ARB2A: variants seen among roughly 807,000 people sequenced by gnomAD.
ARB2A encodes ARB2 cotranscriptional regulator A.
chr5:93,632,950 T>A, the ARB2A span, among the ~76,000 whole-genome samples: 4 of 152,158 alleles, frequency 2.6e-5, no homozygotes, highest in Non-Finnish European at 5.9e-5. Context: ...GACCGTTGTG[T>A]GTGGTGGTAA....
chr5:93,902,428 T>C, the ARB2A span, among the ~76,000 whole-genome samples: 2 of 152,154 alleles, frequency 1.3e-5, no homozygotes, highest in African/African-American at 4.8e-5. Flanking sequence ...TTATTTGTTC[T>C]ACTCTATAAA....
At chr5:93,747,729 G>T in the ARB2A span, among the ~76,000 whole-genome samples, 1 of 152,020 alleles carries the variant, frequency 6.6e-6, no homozygotes, top group Non-Finnish European at 1.5e-5. Context: ...CCAGCAGCCT[G>T]CTCATCATTC....
At chr5:93,681,326 A>G in the ARB2A span, among the ~76,000 whole-genome samples, 1 of 152,156 alleles carries the variant, frequency 6.6e-6, no homozygotes, top group Non-Finnish European at 1.5e-5. Flanking sequence ...CCCTGTTCCA[A>G]AACCTCCAGT....
At chr5:93,852,646 G>C in the ARB2A span, among the ~76,000 whole-genome samples, 4 of 152,278 alleles carry the variant, frequency 2.6e-5, no homozygotes, top group Non-Finnish European at 4.4e-5. Flanking sequence ...GTGTAAGGAA[G>C]GGATCCAGTT....
chr5:93,879,370 T>C, the ARB2A span, among the ~76,000 whole-genome samples: 6 of 151,954 alleles, frequency 3.9e-5, no homozygotes. Context: ...ACTAAGACCA[T>C]CGATACAAAG....
chr5:93,782,017 C>T, the ARB2A span: 1 of 774,548 alleles, frequency 1.3e-6, no homozygotes, highest in East Asian at 1.3e-4. Context: ...TTTGGAAACA[C>T]TGGACTCTTA....
the ARB2A span, among the ~76,000 whole-genome samples, chr5:93,827,654 G>C: frequency 6.6e-6 from 1 of 151,886 alleles, no homozygotes; most frequent in East Asian, 1.9e-4. Flanking sequence ...TGGTGTTTTA[G>C]ACATGAAGTC....
At chr5:93,683,178 AATC>A in the ARB2A span, 666 of 1,322,582 alleles carry the variant, frequency 5.0e-4, 3 homozygotes, top group African/African-American at 2.7e-3. Flanking sequence ...TCATCATCAA[AATC>A]ATCATCATCA....
At chr5:93,917,030 C>A in the ARB2A span, among the ~76,000 whole-genome samples, 1 of 152,206 alleles carries the variant, frequency 6.6e-6, no homozygotes, top group Non-Finnish European at 1.5e-5. Flanking sequence ...CAAACATATT[C>A]TTTCCCTTCT....
the ARB2A span, among the ~76,000 whole-genome samples, chr5:93,663,828 C>T: frequency 1.3e-5 from 2 of 151,976 alleles, no homozygotes; most frequent in African/African-American, 2.4e-5. Flanking sequence ...TCAGAAGTTA[C>T]AATGAAATAT....
At chr5:93,766,544 T>C in the ARB2A span, among the ~76,000 whole-genome samples, 4 of 152,220 alleles carry the variant, frequency 2.6e-5, no homozygotes, top group Non-Finnish European at 5.9e-5. Flanking sequence ...AAACAACAGG[T>C]GCTGGAGAGG....
chr5:94,063,185 G>A, the ARB2A span, among the ~76,000 whole-genome samples: 13,829 of 151,914 alleles, frequency 0.091, 791 homozygotes, highest in Middle Eastern at 0.16. Context: ...GGTCCACCTG[G>A]CCTGGCACAC....
At chr5:93,743,888 G>T in the ARB2A span, among the ~76,000 whole-genome samples, 1 of 151,936 alleles carries the variant, frequency 6.6e-6, no homozygotes, top group Non-Finnish European at 1.5e-5. Context: ...GGATGGTCTC[G>T]ATCTCCTGAC....
At chr5:93,962,659 T>C in the ARB2A span, among the ~76,000 whole-genome samples, 1 of 152,094 alleles carries the variant, frequency 6.6e-6, no homozygotes, top group South Asian at 2.1e-4. Flanking sequence ...AGCTAATAGC[T>C]ATTGAAAAAT....
chr5:93,740,650 T>C, the ARB2A span: 7 of 1,613,738 alleles, frequency 4.3e-6, no homozygotes, highest in Admixed American at 8.3e-5. Flanking sequence ...GAGACGTGTA[T>C]AGTGGGGGAT....
the ARB2A span, chr5:93,776,019 A>C: frequency 1.3e-5 from 9 of 680,686 alleles, no homozygotes; most frequent in African/African-American, 1.6e-4. Flanking sequence ...GATTCTACCC[A>C]TGCATAACAT....
chr5:94,104,518 G>T, the ARB2A span, among the ~76,000 whole-genome samples: 2 of 151,674 alleles, frequency 1.3e-5, no homozygotes, highest in Non-Finnish European at 3.0e-5. Flanking sequence ...GTAATAAAAA[G>T]CCTACACCCA....
chr5:93,779,090 AGTGTGTGTGTGTGTGT>A, the ARB2A span, among the ~76,000 whole-genome samples: 2 of 143,342 alleles, frequency 1.4e-5, no homozygotes, highest in African/African-American at 2.6e-5. Context: ...GTCATTTCAG[AGTGTGTGTGTGTGTGT>A]GTGTGTGTGT....
chr5:93,925,844 A>G, the ARB2A span, among the ~76,000 whole-genome samples: 3 of 152,168 alleles, frequency 2.0e-5, no homozygotes, highest in Admixed American at 6.5e-5. Context: ...AATTTGAGGA[A>G]GAGGTCTATT....
Sources: allele counts gnomAD v4.1 joint callset (sites outside exome capture counted in the v4.1 genomes callset), GRCh38; gene constraint gnomAD v4.1.1; transcripts MANE v1.5; gene names NCBI Gene and HGNC (gene_info 2026-07-23, HGNC 2026-07-21).